TFCP2: variants seen among roughly 807,000 people sequenced by gnomAD.
TFCP2 encodes the protein transcription factor CP2.
TFCP2 carries 33 observed loss-of-function variants against 73.4 expected under a neutral mutation model. That is an observed-to-expected ratio of 0.45 (90% CI 0.34 to 0.60). The LOEUF (loss-of-function observed/expected upper bound fraction) is 0.60. Among genes scored for constraint, TFCP2 ranks in the 20% least tolerant of loss-of-function variants. TFCP2 has a pLI of 0.01. For synonymous variants in TFCP2, 193 were observed against 211.6 expected (o/e 0.91, Z 0.76); for missense variants, 352 against 604.0 (o/e 0.58, Z 4.37).
chr12:51,134,528 C>A (rs1053810015), intron 1 of TFCP2, among the ~76,000 whole-genome samples: 1 of 152,116 alleles, frequency 6.6e-6, no homozygotes, highest in African/African-American at 2.4e-5. Context: ...TCAAGCGATC[C>A]GCCAGCCTCA....
rs144470114 is a variant in TFCP2 at position 51,120,508 on chromosome 12, T to C, written c.123-1736A>G. The stretch of plus-strand genomic sequence containing the variant: ...GGAACTTTGTAGGGAGATAAAAATG[T>C]ATTATACTATGATAGGTCTGCTACG... On this transcript the variant is annotated intron_variant, in intron 1 of 14. Coordinates refer to ENST00000257915, the MANE Select transcript of TFCP2 (RefSeq NM_005653.5). 4.2e-3 allele frequency among the ~76,000 whole-genome samples: 637 copies of C among 152,260 alleles called. 1 individual carries two copies. Among genetic ancestry groups the C allele is most frequent in the Middle Eastern group, 0.02 (6 of 294 alleles).
chr12:51,131,576 T>C (rs1293247001), intron 1 of TFCP2, among the ~76,000 whole-genome samples: 1 of 152,190 alleles, frequency 6.6e-6, no homozygotes, highest in Non-Finnish European at 1.5e-5. Flanking sequence ...AACTATGCTC[T>C]CAGTATAATG....
At chr12:51,159,900 G>A (rs957405381) in intron 1 of TFCP2, among the ~76,000 whole-genome samples, 1 of 152,142 alleles carries the variant, frequency 6.6e-6, no homozygotes, top group African/African-American at 2.4e-5. Context: ...GGATGTGGAT[G>A]GGCAGCTGCT....
chr12:51,094,599 A>G lies in TFCP2; in HGVS notation c.*642T>C, dbSNP rs1276321006. The G allele has an allele frequency of 1.3e-5, 2 of 152,312 alleles. No individual in the cohort carries two copies. The highest frequency in any genetic ancestry group is 2.9e-5 in the Non-Finnish European group (2 of 68,118). The allele number at this position is 152,312 out of a possible 1,614,324, so 9.4% of individuals were successfully genotyped here. A position where few individuals can be genotyped will look rare whatever the true frequency, so the allele number is the denominator to read the frequency against. The stretch of plus-strand genomic sequence containing the variant: ...CTCATCTTCGGTTGGGGGTCACTAT[A>G]GCACCTACTTCAGATAGTGTGATTA... On this transcript the variant is annotated 3_prime_UTR_variant, in exon 15 of 15. Transcript: ENST00000257915.
chr12:51,097,978 G>A (rs6580787), intron 13 of TFCP2, among the ~76,000 whole-genome samples: 93,761 of 151,434 alleles, frequency 0.62, 29,513 homozygotes, highest in Admixed American at 0.68. Context: ...TCACACCACC[G>A]CACAACAGCC....
At chr12:51,144,423 A>G (rs907247629) in intron 1 of TFCP2, among the ~76,000 whole-genome samples, 1 of 152,200 alleles carries the variant, frequency 6.6e-6, no homozygotes, top group African/African-American at 2.4e-5. Context: ...CCAGATACCA[A>G]CAATTACTTA....
At chr12:51,124,539 G>A in intron 1 of TFCP2, 1 of 432,364 alleles carries the variant, frequency 2.3e-6, no homozygotes, top group Non-Finnish European at 4.5e-6. Flanking sequence ...GAATCATTGG[G>A]GCTGTGGCCC....
Position 51,172,350 on chromosome 12 carries a change from T to C in TFCP2, c.73A>G (p.Ser25Gly). ...AGTTCCTGGCCGATCCCGGACAGGCTAGCATCAAAGTCCTGCACCAACCCG... is the reference window on the plus strand; with the variant it reads ...AGTTCCTGGCCGATCCCGGACAGGCCAGCATCAAAGTCCTGCACCAACCCG... ...ESGLVQDFDA[S>G]LSGIGQELGA... Residue 25 changes from serine (S) to glycine (G), a missense_variant, in exon 1 of 15, where the codon AGC (serine) becomes GGC (glycine). Ser to Gly is a moderately conservative substitution (Grantham distance 56). Coordinates refer to ENST00000257915, the MANE Select transcript of TFCP2 (RefSeq NM_005653.5). 2 of 1,614,164 alleles carry C rather than the reference T, an allele frequency of 1.2e-6. No homozygotes were observed. The highest frequency in any genetic ancestry group is 1.7e-6 in the Non-Finnish European group (2 of 1,180,036).
rs1293858099 is a variant in TFCP2 at position 51,116,628 on chromosome 12, T to A, written c.352-208A>T. ...AATTTCTCAGATATAATCTTTTTTTTTTTTTTTGAAACAGATTTTGCTCTT... is the reference window on the plus strand; with the variant it reads ...AATTTCTCAGATATAATCTTTTTTTATTTTTTTGAAACAGATTTTGCTCTT... On this transcript the variant is annotated intron_variant, in intron 3 of 14. Coordinates refer to ENST00000257915, the MANE Select transcript of TFCP2 (RefSeq NM_005653.5). Among the ~76,000 whole-genome samples the A allele has an allele frequency of 2.6e-5, 4 of 152,210 alleles. No individual in the cohort carries two copies. The East Asian group carries it at 7.7e-4, about 29-fold the overall frequency.
At position 51,096,004 on chromosome 12, in the gene TFCP2, G is replaced by A. The variant is rs964364518; in HGVS notation, c.1456C>T (p.Leu486=). Residue 486 remains leucine (L), a synonymous_variant, in exon 14 of 15, where the codon CTG becomes TTG. Coordinates refer to ENST00000257915, the MANE Select transcript of TFCP2 (RefSeq NM_005653.5). ...TTACTATTACCTTTCATTGTGTCCAGAATAAAACATGCTTCTTCCTGAAAG... is the reference window on the plus strand; with the variant it reads ...TTACTATTACCTTTCATTGTGTCCAAAATAAAACATGCTTCTTCCTGAAAG... ...QNFQEEACFI[L]DTMKAETNDS... The A allele has an allele frequency of 1.2e-6, 2 of 1,612,928 alleles. No homozygotes were observed. Among genetic ancestry groups the A allele is most frequent in the Non-Finnish European group, 1.7e-6 (2 of 1,179,616 alleles).
chr12:51,165,446 A>T (rs1440518220), intron 1 of TFCP2, among the ~76,000 whole-genome samples: 3 of 130,384 alleles, frequency 2.3e-5, no homozygotes, highest in East Asian at 3.9e-4. Flanking sequence ...TTTTAAGATT[A>T]AAAAAAAAAA....
chr12:51,136,720 G>T (rs1190841298), intron 1 of TFCP2, among the ~76,000 whole-genome samples: 2 of 152,184 alleles, frequency 1.3e-5, no homozygotes, highest in Non-Finnish European at 2.9e-5. Context: ...TCGATCACTT[G>T]AGGTCAGGAG....
chr12:51,159,225 CTTCAGTGGTGGTAGTG>C (rs2137040527), intron 1 of TFCP2, among the ~76,000 whole-genome samples: 1 of 151,634 alleles, frequency 6.6e-6, no homozygotes, highest in East Asian at 1.9e-4. Flanking sequence ...CTGGACATCA[CTTCAGTGGTGGTAGTG>C]GGGGAATTTG....
chr12:51,111,329 A>G (rs1305278143), intron 4 of TFCP2, among the ~76,000 whole-genome samples: 2 of 151,888 alleles, frequency 1.3e-5, no homozygotes. Flanking sequence ...TATCTTTAGT[A>G]GAGATGGGGT....
rs559775967 is a variant in TFCP2, at chr12:51,140,883, C to T, written c.123-22111G>A. ...CCAGCCTGGCTAGCATGGTGAAACG[C>T]TGTCTCTACTAAAAATACAAAAATT... On this transcript the variant is annotated intron_variant, in intron 1 of 14. Transcript: ENST00000257915. 1.3e-3 allele frequency among the ~76,000 whole-genome samples: 204 copies of T among 152,012 alleles called. 1 individual carries two copies. Among genetic ancestry groups the T allele is most frequent in the African/African-American group, 4.6e-3 (192 of 41,462 alleles).
intron 1 of TFCP2, among the ~76,000 whole-genome samples, chr12:51,136,396 A>G (rs1223797091): frequency 6.6e-6 from 1 of 152,094 alleles, no homozygotes. Flanking sequence ...GCAATACCAT[A>G]CTAAATTATT....
chr12:51,107,685 C>T (rs980471771), intron 6 of TFCP2, among the ~76,000 whole-genome samples: 2 of 151,958 alleles, frequency 1.3e-5, no homozygotes, highest in Non-Finnish European at 2.9e-5. Flanking sequence ...TGGCTCACTG[C>T]AACCTCCGCC....
At chr12:51,170,921 G>A (rs766716561) in intron 1 of TFCP2, among the ~76,000 whole-genome samples, 4 of 151,116 alleles carry the variant, frequency 2.6e-5, no homozygotes, top group South Asian at 2.1e-4. Context: ...CTCGTGATCC[G>A]CCCACCTCAG....
chr12:51,126,467 AC>A (rs1940822236), intron 1 of TFCP2, among the ~76,000 whole-genome samples: 1 of 152,094 alleles, frequency 6.6e-6, no homozygotes, highest in African/African-American at 2.4e-5. Context: ...GGTATAAATT[AC>A]CCTTTTGAGA....
Sources: gnomAD v4.1 joint callset for allele counts (sites outside exome capture counted in the v4.1 genomes callset) on GRCh38, gnomAD v4.1.1 for gene constraint, MANE v1.5 for transcripts, NCBI Gene and HGNC (gene_info 2026-07-23, HGNC 2026-07-21) for gene names.